Variants in PPARGC1B observed in about 807,000 individuals in gnomAD.
The protein encoded by PPARGC1B is PPARG coactivator 1 beta, also known as peroxisome proliferator-activated receptor gamma coactivator 1-beta.
Under a neutral mutation model 101.6 loss-of-function variants are expected in PPARGC1B, and 34 were observed. The ratio of observed to expected loss-of-function variants is 0.33; its 90% confidence interval spans 0.25 to 0.45. The LOEUF is 0.45. Ranked by LOEUF, PPARGC1B falls within the 20% of genes least tolerant of loss-of-function variation. The pLI is 1.00. For synonymous variants in PPARGC1B, 548 were observed against 539.3 expected (o/e 1.02, Z -0.22); for missense variants, 1,234 against 1,317.6 (o/e 0.94, Z 0.98).
At position 149,832,670 on chromosome 5, in the gene PPARGC1B, A is replaced by C. The variant is rs1369827473; in HGVS notation, c.597A>C (p.Gln199His). The C allele has an allele frequency of 6.5e-7, 1 of 1,543,590 alleles. No individual in the cohort carries two copies. Reference protein sequence around the residue: ...QRPCVKADSTQDKKAPMMQSQ... With the variant: ...QRPCVKADSTHDKKAPMMQSQ... The stretch of plus-strand genomic sequence containing the variant: ...TCCCTCTCTAGGCGGACAGCACCCA[A>C]GACAAGAAGGCTCCCATGATGCAGT... Residue 199 changes from glutamine to histidine, a missense_variant, in exon 5 of 12, where the codon CAA (glutamine) becomes CAC (histidine). Gln to His is a conservative substitution (Grantham distance 24). This residue lies in a region of PPARGC1B where 734 missense variants were observed against 768.4 expected (regional missense o/e 0.96). Coordinates refer to ENST00000309241, the MANE Select transcript of PPARGC1B (RefSeq NM_133263.4). This position sits in a 1 kb window ranked among gnomAD's most constrained non-coding sequence, Gnocchi z 4.9.
intron 3 of PPARGC1B, 113 bp from the exon 4 acceptor site, chr5:149,830,654 T>C: frequency 4.1e-6 from 3 of 738,952 alleles, no homozygotes; most frequent in Non-Finnish European, 4.8e-6. Context: ...CCACCCTGTG[T>C]TCTCCCTGTG....
At chr5:149,834,340 G>C (rs961525421) in intron 5 of PPARGC1B, among the ~76,000 whole-genome samples, 1 of 152,242 alleles carries the variant, frequency 6.6e-6, no homozygotes, top group African/African-American at 2.4e-5. Flanking sequence ...GCTACTTAAT[G>C]ATGAGCCCTA....
intron 1 of PPARGC1B, among the ~76,000 whole-genome samples, chr5:149,765,571 C>T (rs1755877672): frequency 6.6e-6 from 1 of 152,126 alleles, no homozygotes; most frequent in African/African-American, 2.4e-5. Context: ...TCACTCCACC[C>T]CTCTGAGACT....
intron 1 of PPARGC1B, among the ~76,000 whole-genome samples, chr5:149,812,125 C>T (rs899526156): frequency 5.9e-5 from 9 of 152,326 alleles, no homozygotes; most frequent in Non-Finnish European, 7.3e-5. Flanking sequence ...CGGATGCTTC[C>T]GCACAGAAAG....
intron 1 of PPARGC1B, among the ~76,000 whole-genome samples, chr5:149,814,474 G>A (rs1757978969): frequency 6.6e-6 from 1 of 152,092 alleles, no homozygotes; most frequent in Non-Finnish European, 1.5e-5. Context: ...TTTCCAGAGG[G>A]GTCAGTGAGG....
At chr5:149,820,338 C>T (rs191379124) in intron 1 of PPARGC1B, 95 bp from the exon 2 acceptor site, 10 of 1,242,412 alleles carry the variant, frequency 8.0e-6, no homozygotes, top group East Asian at 4.7e-5. Flanking sequence ...GCCTTGGCCA[C>T]GGGTCCAGAT....
intron 1 of PPARGC1B, among the ~76,000 whole-genome samples, chr5:149,784,463 C>T (rs1756711611): frequency 1.3e-5 from 2 of 151,908 alleles, no homozygotes; most frequent in African/African-American, 2.4e-5. Flanking sequence ...AGAGGCCACC[C>T]TTACCATGGC....
rs1759662607 is a variant in PPARGC1B at position 149,848,621 on chromosome 5, G to A, written c.*1063G>A. 6.6e-6 allele frequency: 1 copy of A among 152,252 alleles called. No homozygotes were observed. Among genetic ancestry groups the A allele is most frequent in the Admixed American group, 6.5e-5 (1 of 15,284 alleles). 9.4% of individuals were successfully genotyped at this position (152,252 alleles called of 1,614,324 possible). ...CAGCATCAGGTGAATTCAAGCCCTG[G>A]CATGTGTCTTGGATGCACCATCAGC... On this transcript the variant is annotated 3_prime_UTR_variant, in exon 12 of 12. Transcript: ENST00000309241.
intron 1 of PPARGC1B, among the ~76,000 whole-genome samples, chr5:149,773,021 T>C (rs1192500979): frequency 6.6e-6 from 1 of 152,196 alleles, no homozygotes; most frequent in African/African-American, 2.4e-5. Context: ...AGATGGTCTT[T>C]GTTGCAGATA....
At chr5:149,763,788 CT>C (rs1013564279) in intron 1 of PPARGC1B, among the ~76,000 whole-genome samples, 11 of 148,386 alleles carry the variant, frequency 7.4e-5, no homozygotes, top group East Asian at 4.0e-4. Context: ...GCCTTTTTTT[CT>C]TTTTTTTTTC....
intron 1 of PPARGC1B, among the ~76,000 whole-genome samples, chr5:149,814,160 TG>T (rs1483642127): frequency 2.0e-5 from 3 of 152,328 alleles, no homozygotes; most frequent in South Asian, 4.2e-4. Context: ...ATCCCCATTT[TG>T]TGACTAGAAA....
At chr5:149,780,171 A>G (rs1432802750) in intron 1 of PPARGC1B, among the ~76,000 whole-genome samples, 1 of 151,952 alleles carries the variant, frequency 6.6e-6, no homozygotes, top group Non-Finnish European at 1.5e-5. Flanking sequence ...GCCGTGTGTG[A>G]TTGGAGCATC....
intron 1 of PPARGC1B, among the ~76,000 whole-genome samples, chr5:149,770,205 A>G (rs918538801): frequency 4.3e-4 from 65 of 152,142 alleles, no homozygotes; most frequent in African/African-American, 1.5e-3. Context: ...CCTTCCTGCC[A>G]GATCTGGCCT....
chr5:149,730,906 C>T lies in PPARGC1B; in HGVS notation c.78+486C>T, dbSNP rs968570540. On this transcript the variant is annotated intron_variant, in intron 1 of 11. Coordinates refer to ENST00000309241, the MANE Select transcript of PPARGC1B (RefSeq NM_133263.4). The surrounding 1 kb of genome is among the most constrained non-coding windows in gnomAD (Gnocchi z 4.0). ...TAGTCCCCAGAGTGCTGTTGCTGGCCCCCCGCGGCTTTCTACCCGCGCCCG... is the reference window on the plus strand; with the variant it reads ...TAGTCCCCAGAGTGCTGTTGCTGGCTCCCCGCGGCTTTCTACCCGCGCCCG... 2.0e-5 allele frequency among the ~76,000 whole-genome samples: 3 copies of T among 152,208 alleles called. No individual in the cohort carries two copies. Among genetic ancestry groups the T allele is most frequent in the Non-Finnish European group, 4.4e-5 (3 of 68,034 alleles).
chr5:149,738,671 C>T (rs1049957095), intron 1 of PPARGC1B, among the ~76,000 whole-genome samples: 3 of 151,712 alleles, frequency 2.0e-5, no homozygotes, highest in African/African-American at 4.8e-5. Context: ...GGTGCAATCT[C>T]GGCTCACTGC....
chr5:149,833,430 A>G lies in PPARGC1B; in HGVS notation c.1357A>G (p.Arg453Gly). The part of the protein sequence containing the change: ...EEKEEEEEWG[R>G]KRPGRGLPWT... ...AAAAGAGGAGGAGGAGGAGTGGGGC[A>G]GGAAAAGGCCAGGCCGAGGCCTGCC... The change falls in exon 5 of 12, where the codon AGG becomes GGG. Residue 453 changes from arginine (R) to glycine (G), a missense_variant. Physicochemically the swap from Arg to Gly is moderately radical, Grantham distance 125. Coordinates refer to ENST00000309241, the MANE Select transcript of PPARGC1B (RefSeq NM_133263.4). This position sits in a 1 kb window ranked among gnomAD's most constrained non-coding sequence, Gnocchi z 4.1. 1.9e-6 allele frequency: 3 copies of G among 1,586,514 alleles called. No homozygotes were observed. The highest frequency in any genetic ancestry group is 2.6e-6 in the Non-Finnish European group (3 of 1,166,426).
At position 149,804,752 on chromosome 5, in the gene PPARGC1B, C is replaced by T. The variant is rs147232295; in HGVS notation, c.79-15681C>T. On this transcript the variant is annotated intron_variant, in intron 1 of 11. Transcript: ENST00000309241. ...GTGTTGGGGAAGGCCTCTCTCACTG[C>T]GACTGAACAGTGGGAAGGTGGCCCC... Among the ~76,000 whole-genome samples the T allele has an allele frequency of 5.3e-3, 807 of 152,260 alleles. 5 individuals are homozygous for T. The highest frequency in any genetic ancestry group is 9.0e-3 in the Non-Finnish European group (610 of 68,008).
intron 1 of PPARGC1B, among the ~76,000 whole-genome samples, chr5:149,752,261 G>A (rs1755334975): frequency 6.6e-6 from 1 of 152,182 alleles, no homozygotes; most frequent in Admixed American, 6.5e-5. Context: ...GGTGGGGAAG[G>A]CATTTAAACT....
Position 149,788,110 on chromosome 5 carries a change from A to G in PPARGC1B, c.79-32323A>G, listed in dbSNP as rs574927394. ...TGAACTAAAGAGCTTCTGCACAGCA[A>G]AAGAAACTACCATCAGAGTGAACAG... is the stretch of plus-strand genomic sequence containing the variant. On this transcript the variant is annotated intron_variant, in intron 1 of 11. Coordinates refer to ENST00000309241, the MANE Select transcript of PPARGC1B (RefSeq NM_133263.4). Among the ~76,000 whole-genome samples, 9 of 152,362 alleles carry G rather than the reference A, an allele frequency of 5.9e-5. No individual in the cohort carries two copies. The East Asian group carries it at 1.7e-3, about 29-fold the overall frequency.
Sources: allele counts gnomAD v4.1 joint callset (sites outside exome capture counted in the v4.1 genomes callset), GRCh38; gene constraint gnomAD v4.1.1; regional missense constraint gnomAD v4.1.1; non-coding constraint Gnocchi (gnomAD v3.1); transcripts MANE v1.5; gene names NCBI Gene and HGNC (gene_info 2026-07-23, HGNC 2026-07-21).